SPATA18: variants seen among roughly 807,000 people sequenced by gnomAD.
The protein encoded by SPATA18 is spermatogenesis associated 18.
Under a neutral mutation model 68.1 loss-of-function variants are expected in SPATA18, and 54 were observed. The ratio of observed to expected loss-of-function variants is 0.79; its 90% confidence interval spans 0.64 to 0.99. The LOEUF (loss-of-function observed/expected upper bound fraction) is 0.99, where lower values mean the gene tolerates loss of function less well. Among genes scored for constraint, SPATA18 ranks in the 50% least tolerant of loss-of-function variants. The pLI is 0.00. For missense variants in SPATA18, 724 were observed against 681.1 expected (o/e 1.06, Z -0.70); for synonymous variants, 242 against 244.8 (o/e 0.99, Z 0.11).
intron 1 of SPATA18, among the ~76,000 whole-genome samples, chr4:52,056,147 C>G (rs1738322759): frequency 6.6e-6 from 1 of 152,074 alleles, no homozygotes; most frequent in Non-Finnish European, 1.5e-5. Flanking sequence ...GCCCTCAGCC[C>G]TCTCCTCACT....
At chr4:52,065,710 A>G (rs1578160699) in intron 4 of SPATA18, among the ~76,000 whole-genome samples, 2 of 152,264 alleles carry the variant, frequency 1.3e-5, no homozygotes, top group East Asian at 1.9e-4. Context: ...GGTGCTGCCC[A>G]CGATGGAATG....
chr4:52,060,607 G>A, intron 2 of SPATA18, 83 bp downstream of exon 2: 1 of 1,366,790 alleles, frequency 7.3e-7, no homozygotes, highest in Non-Finnish European at 1.0e-6. Flanking sequence ...TTTGACTGTT[G>A]GTGTGGTTGG....
At chr4:52,063,209 C>T (rs1739037833) in intron 4 of SPATA18, among the ~76,000 whole-genome samples, 1 of 152,108 alleles carries the variant, frequency 6.6e-6, no homozygotes, top group South Asian at 2.1e-4. Context: ...TGGTGCTCTG[C>T]CTTGTTCCCT....
rs1350297873 is a variant in SPATA18, at chr4:52,085,071, A to G, written c.1563+72A>G. The G allele has an allele frequency of 5.0e-6, 6 of 1,206,022 alleles. No individual in the cohort carries two copies. The South Asian group carries it at 5.3e-5, about 11-fold the overall frequency. 74.7% of individuals were successfully genotyped at this position (1,206,022 alleles called of 1,614,324 possible). ...GCTTTTTTTTTTTTTTGCTTCAGCAATACAAAAGAGGTGATTATAAGTCTA... is the reference window on the plus strand; with the variant it reads ...GCTTTTTTTTTTTTTTGCTTCAGCAGTACAAAAGAGGTGATTATAAGTCTA... On this transcript the variant is annotated intron_variant, in intron 11 of 12. Transcript: ENST00000295213.
chr4:52,090,061 T>C (rs897323716), intron 11 of SPATA18, among the ~76,000 whole-genome samples: 2 of 152,230 alleles, frequency 1.3e-5, no homozygotes, highest in Non-Finnish European at 2.9e-5. Flanking sequence ...TTTTGATCTT[T>C]GTTGGTTTAA....
intron 1 of SPATA18, among the ~76,000 whole-genome samples, chr4:52,052,057 A>G (rs1560576503): frequency 2.0e-5 from 3 of 152,158 alleles, no homozygotes; most frequent in African/African-American, 4.8e-5. Context: ...GAGTGCTTCC[A>G]ATCAGTGGTA....
At chr4:52,094,445 A>AG in intron 11 of SPATA18, 82 bp from the exon 12 acceptor site, 1 of 1,430,672 alleles carries the variant, frequency 7.0e-7, no homozygotes, top group Non-Finnish European at 9.8e-7. Flanking sequence ...GGTTGGTTTT[A>AG]GGGAAAAAAA....
In SPATA18 at chr4:52,071,965, T is replaced by C. The variant is rs763939129; in HGVS notation, c.567T>C (p.Asp189=). 5.6e-6 allele frequency: 9 copies of C among 1,613,594 alleles called. No homozygotes were observed. The highest frequency in any genetic ancestry group is 7.6e-6 in the Non-Finnish European group (9 of 1,179,942). Residue 189 remains aspartate, a synonymous_variant, in exon 6 of 13, where the codon GAT becomes GAC. Coordinates refer to ENST00000295213, the MANE Select transcript of SPATA18 (RefSeq NM_145263.4). ...AQEDARHRNT[D]QRSSENRRSE... ...AGGATGCCCGCCACAGAAACACAGA[T>C]CAGAGGAGCTCAGAGAATAGGCGGT... is the stretch of plus-strand genomic sequence containing the variant.
rs570902503 is a variant in SPATA18, at chr4:52,062,431, G to A, written c.422+99G>A. On this transcript the variant is annotated intron_variant, in intron 4 of 12. Transcript: ENST00000295213. ...GAATAATGGCTCATGTAAAATGTGG[G>A]CATTTGCAAATAAGTAATATGATTG... 1.7e-3 allele frequency: 1,307 copies of A among 786,024 alleles called. 2 individuals carry two copies. Among genetic ancestry groups the A allele is most frequent in the South Asian group, 4.1e-3 (245 of 59,902 alleles). The allele number at this position is 786,024 out of a possible 1,614,324, so 48.7% of individuals were successfully genotyped here.
intron 10 of SPATA18, chr4:52,083,561 A>G (rs1741135879): frequency 9.0e-6 from 7 of 780,822 alleles, no homozygotes; most frequent in Non-Finnish European, 1.1e-5. Context: ...CCTGGGCAAC[A>G]TAGCGAGACC....
chr4:52,062,433 A>G, intron 4 of SPATA18, 101 bp downstream of exon 4: 1 of 760,120 alleles, frequency 1.3e-6, no homozygotes, highest in Non-Finnish European at 2.2e-6. Flanking sequence ...AAATGTGGGC[A>G]TTTGCAAATA....
intron 1 of SPATA18, among the ~76,000 whole-genome samples, chr4:52,054,551 A>T (rs1738170152): frequency 6.6e-6 from 1 of 152,178 alleles, no homozygotes; most frequent in South Asian, 2.1e-4. Context: ...GCAAACATGC[A>T]TGTTACGTTC....
At position 52,062,306 on chromosome 4, in the gene SPATA18, G is replaced by C. The variant is rs747742053; in HGVS notation, c.396G>C (p.Arg132=). 1.2e-6 allele frequency: 2 copies of C among 1,610,824 alleles called. No individual in the cohort carries two copies. The highest frequency in any genetic ancestry group is 2.2e-5 in the South Asian group (2 of 90,568). ...QQLDSNLNST[R]SQCNQVQDDL... ...TAGACTCTAATTTGAACTCAACCCG[G>C]AGTCAATGCAACCAGGTTCAAGACG... The change falls in exon 4 of 13, where the codon CGG becomes CGC. Residue 132 remains arginine, a synonymous_variant. Coordinates refer to ENST00000295213, the MANE Select transcript of SPATA18 (RefSeq NM_145263.4).
Position 52,082,368 on chromosome 4 carries a change from T to A in SPATA18, c.1356-19T>A, listed in dbSNP as rs1741002666. On this transcript the variant is annotated intron_variant, in intron 9 of 12. Coordinates refer to ENST00000295213, the MANE Select transcript of SPATA18 (RefSeq NM_145263.4). ...ATAATTGCTTAACTTCTCTTTCTTT[T>A]TTTGTATATTGAAAACAGATACCGC... 1 of 1,609,154 alleles carries A rather than the reference T, an allele frequency of 6.2e-7. No individual in the cohort carries two copies. The highest frequency in any genetic ancestry group is 8.5e-7 in the Non-Finnish European group (1 of 1,176,546).
intron 3 of SPATA18, 73 bp downstream of exon 3, chr4:52,060,970 G>T: frequency 8.1e-7 from 1 of 1,232,240 alleles, no homozygotes; most frequent in East Asian, 2.4e-5. Flanking sequence ...TCCAAGAGAA[G>T]AAGAGGACTT....
rs764884014 is a variant in SPATA18, at chr4:52,069,865, C to T, written c.467C>T (p.Ser156Leu). The change falls in exon 5 of 13, where the codon TCG becomes TTG. Residue 156 changes from serine to leucine, a missense_variant. Transcript: ENST00000295213. ...EKNLEESKNR[S>L]AISLLAAEEE... ...AATCTTGAAGAAAGCAAGAACAGAT[C>T]GGCCATATCCCTTTTGGCTGCAGAG... The T allele has an allele frequency of 3.1e-5, 49 of 1,596,078 alleles. No homozygotes were observed. Among genetic ancestry groups the T allele is most frequent in the African/African-American group, 6.7e-5 (5 of 74,586 alleles).
intron 1 of SPATA18, among the ~76,000 whole-genome samples, chr4:52,054,863 A>G (rs1446657393): frequency 3.3e-5 from 5 of 150,668 alleles, no homozygotes; most frequent in Non-Finnish European, 5.9e-5. Flanking sequence ...TTGCTTAGCT[A>G]CTAGATAAAA....
At chr4:52,092,978 T>C (rs1430617480) in intron 11 of SPATA18, among the ~76,000 whole-genome samples, 3 of 151,956 alleles carry the variant, frequency 2.0e-5, no homozygotes, top group Non-Finnish European at 2.9e-5. Context: ...CAGCAGACAC[T>C]GGGGACCACC....
At chr4:52,077,080 C>T in intron 7 of SPATA18, 40 bp downstream of exon 7, 1 of 1,546,996 alleles carries the variant, frequency 6.5e-7, no homozygotes, top group Non-Finnish European at 8.7e-7. Context: ...CTTAGGGCAG[C>T]CGGGAGACAA....
Sources: gnomAD v4.1 joint callset for allele counts (sites outside exome capture counted in the v4.1 genomes callset) on GRCh38, gnomAD v4.1.1 for gene constraint, MANE v1.5 for transcripts, NCBI Gene and HGNC (gene_info 2026-07-23, HGNC 2026-07-21) for gene names.